The following GTF2H5 variants were observed in gnomAD, a reference collection of about 807,000 sequenced individuals.
GTF2H5 encodes TFB5 ortholog.
In GTF2H5, 5 loss-of-function variants were observed where a neutral mutation model predicts 7.1. The observed-to-expected ratio is 0.71, with a 90% CI of 0.37 to 1.49. The LOEUF is 1.49. Ranked by LOEUF, GTF2H5 falls within the 40% of genes most tolerant of loss-of-function variation. GTF2H5 has a pLI of 0.03. For missense variants in GTF2H5, 80 were observed against 83.0 expected, an observed-to-expected ratio of 0.96 and a Z score of 0.14; for synonymous variants, 30 against 31.7, an observed-to-expected ratio of 0.95 and a Z score of 0.18.
intron 2 of GTF2H5, among the ~76,000 whole-genome samples, chr6:158,189,926 A>G (rs1019714109): frequency 6.6e-6 from 1 of 152,034 alleles, no homozygotes; most frequent in African/African-American, 2.4e-5. Flanking sequence ...GACAGAATTG[A>G]TCACTCCCAC....
chr6:158,180,422 T>C (rs1242749224), intron 2 of GTF2H5, among the ~76,000 whole-genome samples: 2 of 152,194 alleles, frequency 1.3e-5, no homozygotes, highest in African/African-American at 4.8e-5. Context: ...TTTCTGTTGA[T>C]CGGAATAGTT....
At chr6:158,169,773 A>ATATATTGTATATTATATATAT (rs1785815774) in intron 1 of GTF2H5, among the ~76,000 whole-genome samples, 1 of 83,960 alleles carries the variant, frequency 1.2e-5, no homozygotes, top group Non-Finnish European at 2.2e-5. Flanking sequence ...ATTATATATA[A>ATATATTGTATATTATATATAT]TATATTGTAT....
intron 2 of GTF2H5, among the ~76,000 whole-genome samples, chr6:158,176,514 T>C (rs1583630564): frequency 1.3e-5 from 2 of 152,314 alleles, no homozygotes; most frequent in African/African-American, 4.8e-5. Context: ...TGTGAGCCAT[T>C]GCGCCCAGCC....
Position 158,198,240 on chromosome 6 carries a change from T to C in GTF2H5, c.*6083T>C, listed in dbSNP as rs1051701389. 6.6e-6 allele frequency: 1 copy of C among 152,232 alleles called. No homozygotes were observed. The highest frequency in any genetic ancestry group is 2.4e-5 in the African/African-American group (1 of 41,462). The allele number at this position is 152,232 out of a possible 1,614,324, so 9.4% of individuals were successfully genotyped here. A position where few individuals can be genotyped will look rare whatever the true frequency, so the allele number is the denominator to read the frequency against. On this transcript the variant is annotated 3_prime_UTR_variant, in exon 3 of 3. Transcript: ENST00000607778. ...GTCCACCAGCGGTCTGATGCTTTCA[T>C]TGATCTCAAAACTGTCTCTGAGTAA...
chr6:158,173,968 C>T (rs1785894068), intron 2 of GTF2H5, among the ~76,000 whole-genome samples: 1 of 152,198 alleles, frequency 6.6e-6, no homozygotes, highest in African/African-American at 2.4e-5. Flanking sequence ...TAGATATTGC[C>T]ATGGCATTTG....
Position 158,169,397 on chromosome 6 carries a change from T to TTATATTGTATATTATATATTATATATAA in GTF2H5, c.-35+1022_-34-1026dup, listed in dbSNP as rs1278029906. 3.2e-3 allele frequency among the ~76,000 whole-genome samples: 247 copies of TTATATTGTATATTATATATTATATATAA among 77,616 alleles called. 9 individuals are homozygous for TTATATTGTATATTATATATTATATATAA. Among genetic ancestry groups the TTATATTGTATATTATATATTATATATAA allele is most frequent in the African/African-American group, 0.012 (231 of 18,736 alleles). 50.9% of individuals were successfully genotyped at this position (77,616 alleles called of 152,430 possible). On this transcript the variant is annotated intron_variant, in intron 1 of 2. Transcript: ENST00000607778. ...TGTATATTATATATTATATATAATA[T>TTATATTGTATATTATATATTATATATAA]TATATTGTATATTATATATTATATA...
chr6:158,173,297 A>G (rs1785882098), intron 2 of GTF2H5, among the ~76,000 whole-genome samples: 1 of 152,172 alleles, frequency 6.6e-6, no homozygotes, highest in Non-Finnish European at 1.5e-5. Flanking sequence ...ACAATTTTTC[A>G]AAAGGGTAAC....
rs1194403447 is a variant in GTF2H5 at position 158,169,787 on chromosome 6, A to ATATATTATATATTG, written c.-34-669_-34-656dup. On this transcript the variant is annotated intron_variant, in intron 1 of 2. Coordinates refer to ENST00000607778, the MANE Select transcript of GTF2H5 (RefSeq NM_207118.3). ...TATTATATATAATATATTGTATATT[A>ATATATTATATATTG]TATATTATATATTGTATATTATATA... Among the ~76,000 whole-genome samples the ATATATTATATATTG allele has an allele frequency of 6.6e-5, 7 of 105,924 alleles. 3 individuals are homozygous for ATATATTATATATTG. The highest frequency in any genetic ancestry group is 4.8e-4 in the South Asian group (2 of 4,182). The allele number at this position is 105,924 out of a possible 152,430, so 69.5% of individuals were successfully genotyped here.
At position 158,195,641 on chromosome 6, in the gene GTF2H5, A is replaced by C. The variant is rs1777095638; in HGVS notation, c.*3484A>C. 6.6e-6 allele frequency: 1 copy of C among 152,200 alleles called. No homozygotes were observed. The highest frequency in any genetic ancestry group is 2.4e-5 in the African/African-American group (1 of 41,458). The allele number at this position is 152,200 out of a possible 1,614,324, so 9.4% of individuals were successfully genotyped here. The stretch of plus-strand genomic sequence containing the variant: ...TACATTTTCTAGAACAGGTGATTTG[A>C]CATAATTGTACTTTTTTCTGAGAAG... On this transcript the variant is annotated 3_prime_UTR_variant, in exon 3 of 3. Coordinates refer to ENST00000607778, the MANE Select transcript of GTF2H5 (RefSeq NM_207118.3).
intron 2 of GTF2H5, among the ~76,000 whole-genome samples, chr6:158,178,764 C>T (rs560814920): frequency 6.6e-6 from 1 of 152,238 alleles, no homozygotes; most frequent in Admixed American, 6.5e-5. Context: ...CTTTGTCAGA[C>T]AGGTAGATTG....
intron 2 of GTF2H5, among the ~76,000 whole-genome samples, chr6:158,191,317 G>A (rs573281620): frequency 6.6e-6 from 1 of 152,146 alleles, no homozygotes; most frequent in Admixed American, 6.5e-5. Flanking sequence ...AGATGTAATG[G>A]GCATAGACAA....
At chr6:158,175,010 A>ATGTGTG (rs200557393) in intron 2 of GTF2H5, among the ~76,000 whole-genome samples, 2,528 of 138,284 alleles carry the variant, frequency 0.018, 34 homozygotes, top group South Asian at 0.047. Context: ...TGTGCCTGAG[A>ATGTGTG]TGTGTGTGTG....
In GTF2H5 at chr6:158,198,759, G is replaced by T. The variant is rs553622977; in HGVS notation, c.*6602G>T. On this transcript the variant is annotated 3_prime_UTR_variant, in exon 3 of 3. Transcript: ENST00000607778. ...GTTTAGATTGCAGGAGCGTTCTCTCGGCTCATCTCTTGTTTTCTCACCCAG... is the reference window on the plus strand; with the variant it reads ...GTTTAGATTGCAGGAGCGTTCTCTCTGCTCATCTCTTGTTTTCTCACCCAG... 6.6e-6 allele frequency: 1 copy of T among 152,116 alleles called. No homozygotes were observed. The highest frequency in any genetic ancestry group is 1.5e-5 in the Non-Finnish European group (1 of 68,032). The allele number at this position is 152,116 out of a possible 1,614,324, so 9.4% of individuals were successfully genotyped here.
Position 158,176,330 on chromosome 6 carries a change from G to A in GTF2H5, c.35+5792G>A, listed in dbSNP as rs372260427. 2.0e-4 allele frequency among the ~76,000 whole-genome samples: 31 copies of A among 152,144 alleles called. No individual in the cohort carries two copies. In the East Asian group the frequency reaches 6.0e-3, roughly 29 times the overall value. Reference sequence around the variant, plus strand: ...CAGCCTCTGCCACCTGGGTTCAAACGATTCTCCTGCTTCAGCCTCCCAAGT... The same window carrying A: ...CAGCCTCTGCCACCTGGGTTCAAACAATTCTCCTGCTTCAGCCTCCCAAGT... On this transcript the variant is annotated intron_variant, in intron 2 of 2. Transcript: ENST00000607778.
In GTF2H5 at chr6:158,169,600, A is replaced by G. The variant is rs1227809506; in HGVS notation, c.-34-870A>G. Among the ~76,000 whole-genome samples, 5 of 64,674 alleles carry G rather than the reference A, an allele frequency of 7.7e-5. 2 individuals are homozygous for G. Among genetic ancestry groups the G allele is most frequent in the Admixed American group, 3.0e-4 (1 of 3,376 alleles). The allele number at this position is 64,674 out of a possible 152,430, so 42.4% of individuals were successfully genotyped here. On this transcript the variant is annotated intron_variant, in intron 1 of 2. Coordinates refer to ENST00000607778, the MANE Select transcript of GTF2H5 (RefSeq NM_207118.3). ...TATTATATATAATATATTGTATATTACATATATTGTATATTACATATAATA... is the reference window on the plus strand; with the variant it reads ...TATTATATATAATATATTGTATATTGCATATATTGTATATTACATATAATA...
chr6:158,169,549 C>CTGTATATTATATATAATATAT lies in GTF2H5; in HGVS notation c.-34-890_-34-870dup, dbSNP rs1391014291. Among the ~76,000 whole-genome samples the CTGTATATTATATATAATATAT allele has an allele frequency of 3.1e-3, 163 of 52,592 alleles. 1 individual carries two copies. The highest frequency in any genetic ancestry group is 4.1e-3 in the Non-Finnish European group (131 of 31,734). The allele number at this position is 52,592 out of a possible 152,430, so 34.5% of individuals were successfully genotyped here. ...TATACAGTATATTATATATAATATA[C>CTGTATATTATATATAATATAT]TGTATATTATATATAATATATTGTA... is the stretch of plus-strand genomic sequence containing the variant. On this transcript the variant is annotated intron_variant, in intron 1 of 2. Coordinates refer to ENST00000607778, the MANE Select transcript of GTF2H5 (RefSeq NM_207118.3).
chr6:158,173,202 A>T (rs1785881113), intron 2 of GTF2H5, among the ~76,000 whole-genome samples: 1 of 152,234 alleles, frequency 6.6e-6, no homozygotes, highest in Non-Finnish European at 1.5e-5. Flanking sequence ...TTGCACCAGG[A>T]CTATTAAATT....
chr6:158,190,779 A>G, intron 2 of GTF2H5: 1 of 374,160 alleles, frequency 2.7e-6, no homozygotes, highest in South Asian at 2.0e-5. Context: ...AGATTATATG[A>G]GATTTTTTTC....
chr6:158,191,642 C>T (rs934556051), intron 2 of GTF2H5, among the ~76,000 whole-genome samples: 1 of 152,096 alleles, frequency 6.6e-6, no homozygotes, highest in Admixed American at 6.6e-5. Flanking sequence ...GCCACCACAC[C>T]CGGCTAATTT....
Sources: gnomAD v4.1 joint callset for allele counts (sites outside exome capture counted in the v4.1 genomes callset) on GRCh38, gnomAD v4.1.1 for gene constraint, MANE v1.5 for transcripts, NCBI Gene and HGNC (gene_info 2026-07-23, HGNC 2026-07-21) for gene names.